The following PLD5 variants were observed in gnomAD, a reference collection of about 807,000 sequenced individuals.
PLD5 encodes phospholipase D family member 5.
PLD5 carries 36 observed loss-of-function variants against 61.1 expected under a neutral mutation model. The ratio of observed to expected loss-of-function variants is 0.59; its 90% CI spans 0.45 to 0.78. PLD5 has a LOEUF of 0.78. PLD5 is among the 30% of genes least tolerant of loss of function. PLD5 has a pLI of 0.00. For missense variants in PLD5, 515 were observed against 644.4 expected, an observed-to-expected ratio of 0.80 and a Z score of 2.17; for synonymous variants, 243 against 242.8, an observed-to-expected ratio of 1.00 and a Z score of -0.01.
intron 5 of PLD5, among the ~76,000 whole-genome samples, chr1:242,146,059 T>C (rs1664525000): frequency 6.6e-6 from 1 of 152,144 alleles, no homozygotes; most frequent in African/African-American, 2.4e-5. Context: ...GGGTCAGAGA[T>C]GGAAAGTGGG....
chr1:242,522,183 G>C (rs906552001), intron 1 of PLD5, among the ~76,000 whole-genome samples: 6 of 152,116 alleles, frequency 3.9e-5, no homozygotes, highest in Non-Finnish European at 7.4e-5. Context: ...TAAAACAAAT[G>C]CTACACTGAT....
intron 1 of PLD5, among the ~76,000 whole-genome samples, chr1:242,514,692 AG>A: frequency 6.6e-6 from 1 of 152,346 alleles, no homozygotes; most frequent in East Asian, 1.9e-4. Flanking sequence ...TTTATTAAAG[AG>A]TGAGTAGTTT....
intron 5 of PLD5, among the ~76,000 whole-genome samples, chr1:242,149,952 ATC>A (rs1421992146): frequency 1.3e-5 from 2 of 151,790 alleles, no homozygotes; most frequent in Non-Finnish European, 3.0e-5. Context: ...TGAGACCTTC[ATC>A]CTAACATAAG....
chr1:242,233,843 T>G (rs950356887), intron 4 of PLD5, among the ~76,000 whole-genome samples: 2 of 152,128 alleles, frequency 1.3e-5, no homozygotes, highest in African/African-American at 4.8e-5. Flanking sequence ...TCGGAATAAC[T>G]GAGTGAAAGA....
At chr1:242,096,120 A>T (rs1660204334) in intron 9 of PLD5, among the ~76,000 whole-genome samples, 1 of 151,698 alleles carries the variant, frequency 6.6e-6, no homozygotes. Flanking sequence ...CACCACACCC[A>T]GCTAATTCTT....
chr1:242,162,701 C>T (rs968586111), intron 5 of PLD5, among the ~76,000 whole-genome samples: 18 of 149,932 alleles, frequency 1.2e-4, no homozygotes, highest in African/African-American at 3.8e-4. Flanking sequence ...CGATCAAAGC[C>T]GTGATGCTAA....
chr1:242,485,573 AC>A (rs1274485313), intron 1 of PLD5, among the ~76,000 whole-genome samples: 3 of 152,226 alleles, frequency 2.0e-5, no homozygotes, highest in Admixed American at 6.5e-5. Flanking sequence ...GAGGATACAA[AC>A]AAATGGAAGA....
At chr1:242,132,194 G>A (rs1663322427) in intron 5 of PLD5, among the ~76,000 whole-genome samples, 1 of 92,680 alleles carries the variant, frequency 1.1e-5, no homozygotes, top group Admixed American at 9.6e-5. Context: ...AGTGATTGCG[G>A]GGGGGGGGGG....
At chr1:242,390,935 GTAA>G (rs780664399) in intron 1 of PLD5, among the ~76,000 whole-genome samples, 11 of 152,140 alleles carry the variant, frequency 7.2e-5, no homozygotes, top group Non-Finnish European at 1.2e-4. Context: ...GCTCACACCT[GTAA>G]TCCCAGCACT....
intron 5 of PLD5, among the ~76,000 whole-genome samples, chr1:242,216,862 T>C (rs935189437): frequency 6.6e-6 from 1 of 152,198 alleles, no homozygotes; most frequent in Non-Finnish European, 1.5e-5. Flanking sequence ...GCTGACTCTG[T>C]TAGGTGCTGA....
chr1:242,260,760 C>T (rs1337743065), intron 4 of PLD5, among the ~76,000 whole-genome samples: 2 of 152,120 alleles, frequency 1.3e-5, no homozygotes, highest in Admixed American at 6.5e-5. Flanking sequence ...AGAACAATCT[C>T]CAAACGTTTG....
chr1:242,104,033 C>T (rs1483732925), intron 8 of PLD5, among the ~76,000 whole-genome samples: 1 of 152,130 alleles, frequency 6.6e-6, no homozygotes, highest in Non-Finnish European at 1.5e-5. Flanking sequence ...GAATGAGTTA[C>T]AAACATTTTA....
chr1:242,321,287 T>G (rs1320176241), intron 2 of PLD5, among the ~76,000 whole-genome samples: 1 of 151,578 alleles, frequency 6.6e-6, no homozygotes, highest in Non-Finnish European at 1.5e-5. Context: ...CATCTATTCT[T>G]TCTTTCTTTC....
intron 3 of PLD5, among the ~76,000 whole-genome samples, chr1:242,280,091 C>T (rs975638716): frequency 6.6e-5 from 10 of 152,090 alleles, no homozygotes; most frequent in African/African-American, 2.4e-4. Context: ...TTGAATTCAC[C>T]AAGCAATCAA....
intron 1 of PLD5, among the ~76,000 whole-genome samples, chr1:242,456,860 A>G (rs1666958581): frequency 6.6e-6 from 1 of 152,168 alleles, no homozygotes; most frequent in African/African-American, 2.4e-5. Context: ...CAGGTTACCA[A>G]AATCCCCGCC....
intron 1 of PLD5, among the ~76,000 whole-genome samples, chr1:242,432,816 A>G (rs79689506): frequency 0.034 from 5,145 of 152,278 alleles, 276 homozygotes; most frequent in African/African-American, 0.11. Context: ...AAGAAAAACA[A>G]AAAGAAAAAA....
At chr1:242,146,780 G>C (rs555616030) in intron 5 of PLD5, among the ~76,000 whole-genome samples, 1 of 152,284 alleles carries the variant, frequency 6.6e-6, no homozygotes, top group East Asian at 1.9e-4. Flanking sequence ...CTTAGTGCAA[G>C]AGAATGCTAA....
chr1:242,517,939 C>T (rs1669158014), intron 1 of PLD5, among the ~76,000 whole-genome samples: 1 of 152,114 alleles, frequency 6.6e-6, no homozygotes, highest in African/African-American at 2.4e-5. Context: ...ATTAACTCCT[C>T]ATGTTATTGC....
chr1:242,511,478 T>C lies in PLD5; in HGVS notation c.189+12610A>G, dbSNP rs1668906257. 5.9e-5 allele frequency among the ~76,000 whole-genome samples: 9 copies of C among 152,160 alleles called. No homozygotes were observed. In the South Asian group the frequency reaches 1.9e-3, roughly 32 times the overall value. Reference sequence around the variant, plus strand: ...TTTCACCAAACAATAAAGATGAGCATCATCGATCATGTCATGTAAATAGCA... The same window carrying C: ...TTTCACCAAACAATAAAGATGAGCACCATCGATCATGTCATGTAAATAGCA... On this transcript the variant is annotated intron_variant, in intron 1 of 9. Transcript: ENST00000536534.
Sources: gnomAD v4.1 joint callset for allele counts (sites outside exome capture counted in the v4.1 genomes callset) on GRCh38, gnomAD v4.1.1 for gene constraint, MANE v1.5 for transcripts, NCBI Gene and HGNC (gene_info 2026-07-23, HGNC 2026-07-21) for gene names.